PRKAG2: variants seen among roughly 807,000 people sequenced by gnomAD.
PRKAG2 encodes the protein 5'-AMP-activated protein kinase subunit gamma-2.
PRKAG2 carries 26 observed loss-of-function variants against 69.6 expected under a neutral mutation model. The ratio of observed to expected loss-of-function variants is 0.37; its 90% CI spans 0.27 to 0.52. PRKAG2 has a LOEUF of 0.52. Ranked by LOEUF, PRKAG2 falls within the 20% of genes least tolerant of loss-of-function variation. The pLI, the probability that PRKAG2 is intolerant of heterozygous loss-of-function variation, is 0.90. For missense variants in PRKAG2, 557 were observed against 740.0 expected (o/e 0.75, Z 2.87); for synonymous variants, 293 against 285.0 (o/e 1.03, Z -0.28).
rs149506922 is a variant in PRKAG2 at position 151,735,941 on chromosome 7, C to T, written c.466+45211G>A. The T allele has an allele frequency of 8.1e-5, 124 of 1,536,372 alleles. 1 individual carries two copies. In the East Asian group the frequency reaches 1.4e-3, roughly 18 times the overall value. On this transcript the variant is annotated intron_variant, in intron 3 of 15. Coordinates refer to ENST00000287878, the MANE Select transcript of PRKAG2 (RefSeq NM_016203.4). ...CTCCGACTGGCGCCTCTCCGTGCTTCGATTTTGGTCCTTGTGTTTCTTGTT... is the reference window on the plus strand; with the variant it reads ...CTCCGACTGGCGCCTCTCCGTGCTTTGATTTTGGTCCTTGTGTTTCTTGTT...
chr7:151,873,054 T>C (rs1274501597), intron 1 of PRKAG2, among the ~76,000 whole-genome samples: 2 of 152,248 alleles, frequency 1.3e-5, no homozygotes, highest in African/African-American at 4.8e-5. Context: ...ATTGTCTACC[T>C]GAAATCTAGA....
At chr7:151,764,629 CAT>C (rs2075631775) in intron 3 of PRKAG2, among the ~76,000 whole-genome samples, 1 of 152,240 alleles carries the variant, frequency 6.6e-6, no homozygotes, top group African/African-American at 2.4e-5. Context: ...CTCCTTAGTT[CAT>C]GAGTCCTACC....
intron 1 of PRKAG2, chr7:151,809,587 T>C (rs2078310445): frequency 9.5e-6 from 2 of 209,626 alleles, no homozygotes; most frequent in Non-Finnish European, 2.0e-5. Flanking sequence ...TTGACTCACA[T>C]GGCAATGGTC....
intron 1 of PRKAG2, among the ~76,000 whole-genome samples, chr7:151,798,954 AG>A (rs1188707154): frequency 1.3e-5 from 2 of 152,024 alleles, no homozygotes; most frequent in Non-Finnish European, 2.9e-5. Context: ...TTTGACATGC[AG>A]GGTAGCTTGG....
rs905477233 is a variant in PRKAG2, at chr7:151,814,763, G to A, written c.115-28222C>T. Reference sequence around the variant, plus strand: ...GCAGGCAACGGTCTTGGTGGCTGGAGCTGCTTTGCTGCTCAAAATGCAGGC... The same window carrying A: ...GCAGGCAACGGTCTTGGTGGCTGGAACTGCTTTGCTGCTCAAAATGCAGGC... On this transcript the variant is annotated intron_variant, in intron 1 of 15. Coordinates refer to ENST00000287878, the MANE Select transcript of PRKAG2 (RefSeq NM_016203.4). This position sits in a 1 kb window ranked among gnomAD's most constrained non-coding sequence, Gnocchi z 4.8. 8.9e-6 allele frequency: 11 copies of A among 1,231,700 alleles called. No individual in the cohort carries two copies. The highest frequency in any genetic ancestry group is 7.8e-5 in the African/African-American group (5 of 64,440). The allele number at this position is 1,231,700 out of a possible 1,614,324, so 76.3% of individuals were successfully genotyped here. A position where few individuals can be genotyped will look rare whatever the true frequency, so the allele number is the denominator to read the frequency against.
intron 7 of PRKAG2, among the ~76,000 whole-genome samples, chr7:151,575,185 G>T (rs1584995525): frequency 6.6e-6 from 1 of 152,166 alleles, no homozygotes; most frequent in African/African-American, 2.4e-5. Flanking sequence ...ACTAACCAGA[G>T]AATTTGGCAA....
intron 1 of PRKAG2, among the ~76,000 whole-genome samples, chr7:151,870,661 C>T (rs927469091): frequency 2.6e-5 from 4 of 152,216 alleles, no homozygotes; most frequent in Admixed American, 6.5e-5. Context: ...CCTTCCCACC[C>T]TCATCCTGGA....
In PRKAG2 at chr7:151,754,271, C is replaced by T. The variant is rs567564077; in HGVS notation, c.466+26881G>A. ...CGTCTTCCAGGCTGGCGCCAGAGGG[C>T]GCTGTCCCCAGGGACCACACGGGAT... On this transcript the variant is annotated intron_variant, in intron 3 of 15. Coordinates refer to ENST00000287878, the MANE Select transcript of PRKAG2 (RefSeq NM_016203.4). 2.2e-4 allele frequency among the ~76,000 whole-genome samples: 33 copies of T among 152,308 alleles called. No individual in the cohort carries two copies. The South Asian group carries it at 5.4e-3, about 25-fold the overall frequency.
At chr7:151,629,676 T>C (rs1481867878) in intron 5 of PRKAG2, among the ~76,000 whole-genome samples, 1 of 152,218 alleles carries the variant, frequency 6.6e-6, no homozygotes, top group Non-Finnish European at 1.5e-5. Flanking sequence ...TATAACTTAT[T>C]AGGAAATAGA....
At chr7:151,800,026 G>A (rs1358673435) in intron 1 of PRKAG2, among the ~76,000 whole-genome samples, 2 of 152,176 alleles carry the variant, frequency 1.3e-5, no homozygotes, top group Non-Finnish European at 2.9e-5. Flanking sequence ...AGGCAGGCCT[G>A]GATCTAGATT....
intron 5 of PRKAG2, among the ~76,000 whole-genome samples, chr7:151,630,528 A>C (rs924083234): frequency 6.6e-6 from 1 of 152,246 alleles, no homozygotes; most frequent in Non-Finnish European, 1.5e-5. Context: ...CTATTTTAGA[A>C]ATGAGAAAAC....
chr7:151,861,850 G>A (rs751877893), intron 1 of PRKAG2, among the ~76,000 whole-genome samples: 4 of 152,044 alleles, frequency 2.6e-5, no homozygotes, highest in Non-Finnish European at 2.9e-5. Context: ...CATTGACACC[G>A]GGGTTGCGAC....
At chr7:151,840,984 G>GT (rs973090828) in intron 1 of PRKAG2, among the ~76,000 whole-genome samples, 3 of 152,142 alleles carry the variant, frequency 2.0e-5, no homozygotes, top group African/African-American at 7.2e-5. Context: ...TGATTGATTG[G>GT]TTAATTGATT....
chr7:151,596,750 A>C (rs978173246), intron 5 of PRKAG2, among the ~76,000 whole-genome samples: 14 of 147,440 alleles, frequency 9.5e-5, no homozygotes, highest in African/African-American at 3.3e-4. Flanking sequence ...CTGTCAAAAA[A>C]ATAAATAAAA....
At chr7:151,695,095 A>C (rs1836381934) in intron 3 of PRKAG2, among the ~76,000 whole-genome samples, 1 of 152,116 alleles carries the variant, frequency 6.6e-6, no homozygotes, top group Non-Finnish European at 1.5e-5. Flanking sequence ...GCCAAGGGTA[A>C]TGTGACATTT....
intron 4 of PRKAG2, among the ~76,000 whole-genome samples, chr7:151,640,895 G>C (rs552320064): frequency 1.5e-3 from 235 of 152,354 alleles, no homozygotes; most frequent in Non-Finnish European, 2.1e-3. Flanking sequence ...TGAGTGAAAT[G>C]AATTGTTCAT....
chr7:151,651,903 G>A (rs529432669), intron 4 of PRKAG2, among the ~76,000 whole-genome samples: 7,246 of 152,208 alleles, frequency 0.048, 611 homozygotes, highest in African/African-American at 0.17. Flanking sequence ...CTGGGGCTGG[G>A]GTTGGATGGG....
chr7:151,606,558 G>A (rs913296983), intron 5 of PRKAG2, among the ~76,000 whole-genome samples: 3 of 152,142 alleles, frequency 2.0e-5, no homozygotes, highest in African/African-American at 4.8e-5. Flanking sequence ...GGTGGCTCAC[G>A]CCTGTAATCC....
At chr7:151,601,800 C>T (rs1816142543) in intron 5 of PRKAG2, among the ~76,000 whole-genome samples, 1 of 152,264 alleles carries the variant, frequency 6.6e-6, no homozygotes, top group East Asian at 1.9e-4. Flanking sequence ...GCGGGGATGC[C>T]GCAGGGAAGA....
Sources: gnomAD v4.1 joint callset for allele counts (sites outside exome capture counted in the v4.1 genomes callset) on GRCh38, gnomAD v4.1.1 for gene constraint, Gnocchi (gnomAD v3.1) non-coding constraint, MANE v1.5 for transcripts, NCBI Gene and HGNC (gene_info 2026-07-23, HGNC 2026-07-21) for gene names.